POLRMT: variants seen among roughly 807,000 people sequenced by gnomAD.
The protein encoded by POLRMT is DNA-directed RNA polymerase, mitochondrial.
In POLRMT, 114 loss-of-function variants were observed where a neutral mutation model predicts 132.2. That is an observed-to-expected ratio of 0.86 (90% confidence interval 0.74 to 1.01). The LOEUF (loss-of-function observed/expected upper bound fraction) is 1.01. POLRMT is among the 50% of genes least tolerant of loss of function. The probability of loss-of-function intolerance (pLI) is 0.00; values close to 1 mark genes in which losing one functional copy is unlikely to be tolerated. For synonymous variants in POLRMT, 1,020 were observed against 773.4 expected, an observed-to-expected ratio of 1.32 and a Z score of -5.29; for missense variants, 2,003 against 1,729.1, an observed-to-expected ratio of 1.16 and a Z score of -2.81.
intron 3 of POLRMT, among the ~76,000 whole-genome samples, chr19:627,055 C>T (rs925235661): frequency 2.6e-5 from 4 of 151,880 alleles, no homozygotes; most frequent in Non-Finnish European, 5.9e-5. Flanking sequence ...AAAAAATTCC[C>T]TTACATCCTC....
Position 618,641 on chromosome 19 carries a change from G to A in POLRMT, c.3324-55C>T, listed in dbSNP as rs138748435. On this transcript the variant is annotated intron_variant, in intron 16 of 20. Coordinates refer to ENST00000588649, the MANE Select transcript of POLRMT (RefSeq NM_005035.4). ...GGCCCAGGGACACCCCTAACTGGCC[G>A]CTGTCTCCACCGTGGCTGCTCTCCA... 6.2e-3 allele frequency: 9,874 copies of A among 1,597,476 alleles called. 53 individuals are homozygous for A. Among genetic ancestry groups the A allele is most frequent in the Non-Finnish European group, 7.9e-3 (9,186 of 1,168,774 alleles).
intron 3 of POLRMT, among the ~76,000 whole-genome samples, chr19:628,210 G>A (rs534929064): frequency 6.6e-5 from 10 of 152,176 alleles, no homozygotes; most frequent in African/African-American, 1.2e-4. Flanking sequence ...CTAAGAGTGC[G>A]TTTCTGCTGT....
chr19:619,479 G>T, intron 13 of POLRMT, 107 bp downstream of exon 13: 1 of 1,473,056 alleles, frequency 6.8e-7, no homozygotes, highest in Non-Finnish European at 9.3e-7. Context: ...CAGTGGTCTG[G>T]GGGAGCAGCC....
intron 10 of POLRMT, 141 bp from the exon 11 acceptor site, chr19:620,628 C>T (rs1334829951): frequency 2.0e-5 from 22 of 1,116,324 alleles, no homozygotes; most frequent in Non-Finnish European, 2.6e-5. Context: ...GGGCGAGAGA[C>T]GGGGCGGTGG....
At position 621,541 on chromosome 19, in the gene POLRMT, C is replaced by T. The variant is rs1984601317; in HGVS notation, c.2157G>A (p.Gln719=). Residue 719 remains glutamine (Q), a synonymous_variant, in exon 10 of 21, where the codon CAG becomes CAA. Transcript: ENST00000588649. ...GGGGGCAGCCCTTGGCCTGGAAGAGCTGCAGCACCAGGTCCAGCACGCGCC... is the reference window on the plus strand; with the variant it reads ...GGGGGCAGCCCTTGGCCTGGAAGAGTTGCAGCACCAGGTCCAGCACGCGCC... ...VNGRVLDLVL[Q]LFQAKGCPQL... 7.8e-6 allele frequency: 11 copies of T among 1,409,342 alleles called. No individual in the cohort carries two copies. The highest frequency in any genetic ancestry group is 3.0e-5 in the South Asian group (2 of 66,146). 87.3% of individuals were successfully genotyped at this position (1,409,342 alleles called of 1,614,324 possible). A position where few individuals can be genotyped will look rare whatever the true frequency, so the allele number is the denominator to read the frequency against.
rs377506327 is a variant in POLRMT, at chr19:617,411, C to A, written c.3643+8G>T. 1.9e-6 allele frequency: 3 copies of A among 1,612,362 alleles called. No homozygotes were observed. The highest frequency in any genetic ancestry group is 2.5e-6 in the Non-Finnish European group (3 of 1,179,824). On this transcript the variant is annotated splice_region_variant and intron_variant, in intron 20 of 20. Coordinates refer to ENST00000588649, the MANE Select transcript of POLRMT (RefSeq NM_005035.4). ...GAGCCACCCTTGCGAGGCTGCCCACCCGCCTACCTGGCTTGGGCACCGCCT... is the reference window on the plus strand; with the variant it reads ...GAGCCACCCTTGCGAGGCTGCCCACACGCCTACCTGGCTTGGGCACCGCCT...
chr19:619,603 G>C lies in POLRMT; in HGVS notation c.3049C>G (p.Leu1017Val), dbSNP rs752592879. ...TGGCGCACCTGGGGAAAGTCGCTCA[G>C]CTCCCGGAGGCGCTTCTCAATCTGC... Reference protein sequence around the residue: ...RLQIEKRLRELSDFPQEFVWE... With the variant: ...RLQIEKRLREVSDFPQEFVWE... The change falls in exon 13 of 21, where the codon CTG (leucine) becomes GTG (valine). Residue 1017 changes from leucine (L) to valine (V), a missense_variant. Leu to Val is a conservative substitution (Grantham distance 32, BLOSUM62 1). Transcript: ENST00000588649. 2 of 1,611,168 alleles carry C rather than the reference G, an allele frequency of 1.2e-6. No homozygotes were observed. The highest frequency in any genetic ancestry group is 1.7e-6 in the Non-Finnish European group (2 of 1,179,660).
chr19:622,175 C>G lies in POLRMT; in HGVS notation c.1825G>C (p.Val609Leu). ...SSRLVPVLYH[V>L]YSFRNVQQIG... ...TGCTGGACGTTGCGGAAGGAATACACGTGGTAGAGCACGGGGACAAGCCGA... is the reference window on the plus strand; with the variant it reads ...TGCTGGACGTTGCGGAAGGAATACAGGTGGTAGAGCACGGGGACAAGCCGA... Residue 609 changes from valine to leucine, a missense_variant, in exon 9 of 21, where the codon GTG becomes CTG. Transcript: ENST00000588649. 6.4e-7 allele frequency: 1 copy of G among 1,570,066 alleles called. No individual in the cohort carries two copies.
Position 619,627 on chromosome 19 carries a change from G to A in POLRMT, c.3025C>T (p.Gln1009Ter). The change falls in exon 13 of 21, where the codon CAG becomes TAG. Residue 1009 changes from glutamine (Q) to a stop codon, truncating the protein, a stop_gained. Coordinates refer to ENST00000588649, the MANE Select transcript of POLRMT (RefSeq NM_005035.4). LOFTEE classifies it high-confidence loss of function. ...AGCTCCCGGAGGCGCTTCTCAATCT[G>A]CAGGCGCCCGCCATAGCGCGTGACC... The part of the protein sequence containing the change: ...YGVTRYGGRL[Q>*]IEKRLRELSD... 6.2e-7 allele frequency: 1 copy of A among 1,610,742 alleles called. No individual in the cohort carries two copies. The highest frequency in any genetic ancestry group is 1.3e-5 in the African/African-American group (1 of 74,950).
At chr19:633,394 C>G in intron 1 of POLRMT, 31 bp downstream of exon 1, 3 of 1,486,162 alleles carry the variant, frequency 2.0e-6, no homozygotes, top group Non-Finnish European at 2.7e-6. Flanking sequence ...CCGTGGCCCC[C>G]GGGCTGCCTG....
rs746954652 is a variant in POLRMT, at chr19:621,127, C to G, written c.2571G>C (p.Leu857=). 2 of 1,610,682 alleles carry G rather than the reference C, an allele frequency of 1.2e-6. No homozygotes were observed. Among genetic ancestry groups the G allele is most frequent in the South Asian group, 2.2e-5 (2 of 91,016 alleles). ...NLTGLKKREP[L]RKRLAFAEEV... ...CCTCCGCAAAGGCCAGGCGCTTCCG[C>G]AGCGGCTCCCGCTTCTTCAACCCCG... The change falls in exon 10 of 21, where the codon CTG becomes CTC. Residue 857 remains leucine, a synonymous_variant. Transcript: ENST00000588649.
In POLRMT at chr19:629,624, C is replaced by G; in HGVS notation, c.738G>C (p.Leu246=). 3.1e-6 allele frequency: 5 copies of G among 1,609,160 alleles called. No homozygotes were observed. Among genetic ancestry groups the G allele is most frequent in the Non-Finnish European group, 4.2e-6 (5 of 1,178,934 alleles). ...TDQLPLAHHL[L]VVHHGQRQKR... is the part of the protein sequence containing the mutation. Reference sequence around the variant, plus strand: ...TCTGCCGCTGGCCGTGGTGGACGACCAGCAGGTGGTGGGCGAGGGGCAGCT... The same window carrying G: ...TCTGCCGCTGGCCGTGGTGGACGACGAGCAGGTGGTGGGCGAGGGGCAGCT... The change falls in exon 3 of 21, where the codon CTG becomes CTC. Residue 246 remains leucine, a synonymous_variant. Transcript: ENST00000588649.
chr19:622,458 A>G (rs1448075231), intron 8 of POLRMT, 85 bp from the exon 9 acceptor site: 3 of 1,462,436 alleles, frequency 2.1e-6, no homozygotes, highest in Non-Finnish European at 2.7e-6. Context: ...CCGGTGGGGC[A>G]TCTGTCAGCC....
intron 4 of POLRMT, 35 bp downstream of exon 4, chr19:625,089 T>C (rs1555676571): frequency 6.3e-7 from 1 of 1,599,972 alleles, no homozygotes; most frequent in Non-Finnish European, 8.5e-7. Context: ...GGGAGGGACA[T>C]GGTGGGGGGT....
intron 11 of POLRMT, 122 bp downstream of exon 11, chr19:620,243 C>G (rs766351002): frequency 2.1e-6 from 3 of 1,450,748 alleles, no homozygotes; most frequent in Admixed American, 2.4e-5. Flanking sequence ...CCATGGCTCC[C>G]GCACACTCTA....
In POLRMT at chr19:618,978, G is replaced by T; in HGVS notation, c.3267+19C>A. The T allele has an allele frequency of 2.6e-6, 4 of 1,539,896 alleles. No homozygotes were observed. Among genetic ancestry groups the T allele is most frequent in the Non-Finnish European group, 3.5e-6 (4 of 1,132,666 alleles). On this transcript the variant is annotated intron_variant, in intron 15 of 20. Transcript: ENST00000588649. Reference sequence around the variant, plus strand: ...CTGGGATGGTGGCACACTGGGGAGGGATGGGGTGGTACACTGACCTTGACC... The same window carrying T: ...CTGGGATGGTGGCACACTGGGGAGGTATGGGGTGGTACACTGACCTTGACC...
Position 620,000 on chromosome 19 carries a change from G to T in POLRMT, c.2844C>A (p.Pro948=). The T allele has an allele frequency of 6.3e-7, 1 of 1,593,004 alleles. No individual in the cohort carries two copies. Among genetic ancestry groups the T allele is most frequent in the East Asian group, 2.3e-5 (1 of 44,314 alleles). The part of the protein sequence containing the change: ...SVGAASVNLE[P]SDVPQDVYSG... ...TGTACACGTCCTGCGGCACATCCGA[G>T]GGCTCCAGGTTGACGGAGGCGGCGC... Residue 948 remains proline (P), a synonymous_variant, in exon 12 of 21, where the codon CCC becomes CCA. Transcript: ENST00000588649.
In POLRMT at chr19:632,887, TG is replaced by T; in HGVS notation, c.139del (p.Gln47ArgfsTer37). 2.6e-6 allele frequency: 4 copies of T among 1,547,804 alleles called. No individual in the cohort carries two copies. The highest frequency in any genetic ancestry group is 1.7e-6 in the Non-Finnish European group (2 of 1,150,884). On this transcript the variant is annotated frameshift_variant, in exon 2 of 21. Transcript: ENST00000588649. LOFTEE classifies it high-confidence loss of function. Reference protein sequence around the residue: ...GPRRSSSASPQEQDQDRRKDW... With the variant: ...GPRRSSSASPXEQDQDRRKDW... The stretch of plus-strand genomic sequence containing the variant: ...CTTCCTGCGGTCTTGGTCTTGCTCC[TG>T]GGGGCTGGCGGACGAGCTCCTCCTG...
chr19:629,869 G>A lies in POLRMT; in HGVS notation c.493C>T (p.Arg165Trp), dbSNP rs757472422. 28 of 1,609,846 alleles carry A rather than the reference G, an allele frequency of 1.7e-5. 1 individual carries two copies. The highest frequency in any genetic ancestry group is 4.5e-5 in the East Asian group (2 of 44,842). Residue 165 changes from arginine to tryptophan, a missense_variant, in exon 3 of 21, where the codon CGG becomes TGG. Arg to Trp is a moderately radical substitution (Grantham distance 101). Coordinates refer to ENST00000588649, the MANE Select transcript of POLRMT (RefSeq NM_005035.4). ...ALTRRLQVEP[R>W]LLSKQMAGCL... ...CCGGCCATCTGCTTGCTCAGGAGCC[G>A]GGGCTCCACCTGCAGGCGCCTGGTC... is the stretch of plus-strand genomic sequence containing the variant.
Sources: gnomAD v4.1 joint callset for allele counts (sites outside exome capture counted in the v4.1 genomes callset) on GRCh38, gnomAD v4.1.1 for gene constraint, MANE v1.5 for transcripts, NCBI Gene and HGNC (gene_info 2026-07-23, HGNC 2026-07-21) for gene names.